The following BLM variants were observed in gnomAD, a reference collection of about 807,000 sequenced individuals.
BLM encodes the protein recQ-like DNA helicase BLM.
BLM carries 95 observed loss-of-function variants against 135.3 expected under a neutral mutation model. The observed-to-expected ratio is 0.70, with a 90% confidence interval of 0.59 to 0.83. BLM has a LOEUF of 0.83. Among genes scored for constraint, BLM ranks in the 40% least tolerant of loss-of-function variants. BLM has a pLI of 0.00. For synonymous variants in BLM, 520 were observed against 589.2 expected (o/e 0.88, Z 1.70); for missense variants, 1,518 against 1,663.9 (o/e 0.91, Z 1.53).
At chr15:90,797,221 C>T (rs1208986913) in intron 16 of BLM, among the ~76,000 whole-genome samples, 5 of 151,918 alleles carry the variant, frequency 3.3e-5, no homozygotes, top group Admixed American at 2.6e-4. Context: ...AAAGACTAGC[C>T]TGGCCAACGT....
chr15:90,722,301 G>A (rs1425978292), intron 1 of BLM, among the ~76,000 whole-genome samples: 1 of 151,988 alleles, frequency 6.6e-6, no homozygotes, highest in Admixed American at 6.6e-5. Flanking sequence ...AGTAGAGACC[G>A]GGTTTCACTG....
At position 90,751,797 on chromosome 15, in the gene BLM, AAAGAAG is replaced by A. The variant is rs587779895; in HGVS notation, c.816_821del (p.Lys272_Lys273del). 1 of 1,612,122 alleles carries A rather than the reference AAAGAAG, an allele frequency of 6.2e-7. No homozygotes were observed. The highest frequency in any genetic ancestry group is 8.5e-7 in the Non-Finnish European group (1 of 1,178,366). On this transcript the variant is annotated inframe_deletion, in exon 4 of 22. Transcript: ENST00000355112. ...ACTGTTTTACTGTAGATAATAGCGA[AAAGAAG>A]AAGAATTTGGAAGAAGCTGAATTAC... is the stretch of plus-strand genomic sequence containing the variant.
At chr15:90,764,707 A>G (rs1328040426) in intron 8 of BLM, among the ~76,000 whole-genome samples, 1 of 152,238 alleles carries the variant, frequency 6.6e-6, no homozygotes, top group Admixed American at 6.5e-5. Flanking sequence ...TTCTACTACT[A>G]GAAATAAAAA....
At position 90,802,818 on chromosome 15, in the gene BLM, C is replaced by G. The variant is rs150905798; in HGVS notation, c.3359-703C>G. On this transcript the variant is annotated intron_variant, in intron 17 of 21. Transcript: ENST00000355112. ...TATTATAAAATAATGTAAAGAGTGTCATTGGATTGTTTGCAACTCAATGGA... is the reference window on the plus strand; with the variant it reads ...TATTATAAAATAATGTAAAGAGTGTGATTGGATTGTTTGCAACTCAATGGA... Among the ~76,000 whole-genome samples, 126 of 152,104 alleles carry G rather than the reference C, an allele frequency of 8.3e-4. No individual in the cohort carries two copies. The Middle Eastern group carries it at 0.014, about 16-fold the overall frequency.
chr15:90,736,105 A>G (rs181294472), intron 1 of BLM, among the ~76,000 whole-genome samples: 12 of 152,340 alleles, frequency 7.9e-5, no homozygotes, highest in Admixed American at 7.8e-4. Flanking sequence ...CTAATTAGAA[A>G]GCTTCACAAG....
Position 90,794,275 on chromosome 15 carries a change from C to T in BLM, c.3128C>T (p.Ala1043Val), listed in dbSNP as rs2229035. The T allele has an allele frequency of 6.2e-7, 1 of 1,606,918 alleles. No homozygotes were observed. Among genetic ancestry groups the T allele is most frequent in the East Asian group, 2.3e-5 (1 of 44,410 alleles). ...GAATGCAGGAGAATACAGCTTTTGG[C>T]CTACTTTGGTGAAAATGGATTTAAT... ...ITECRRIQLL[A>V]YFGENGFNPD... The change falls in exon 16 of 22, where the codon GCC becomes GTC. Residue 1043 changes from alanine to valine, a missense_variant. Physicochemically the swap from Ala to Val is moderately conservative, Grantham distance 64. Transcript: ENST00000355112.
chr15:90,798,773 G>A (rs994589377), intron 17 of BLM, among the ~76,000 whole-genome samples: 1 of 151,860 alleles, frequency 6.6e-6, no homozygotes, highest in African/African-American at 2.4e-5. Flanking sequence ...CCTGAGATCA[G>A]GAGTTTGAGA....
chr15:90,756,756 A>T (rs963915364), intron 5 of BLM, among the ~76,000 whole-genome samples: 3 of 152,196 alleles, frequency 2.0e-5, no homozygotes, highest in African/African-American at 7.2e-5. Flanking sequence ...GACACAAAAG[A>T]CTTGACTATG....
Position 90,803,649 on chromosome 15 carries a change from G to A in BLM, c.3487G>A (p.Ala1163Thr). Residue 1163 changes from alanine to threonine, a missense_variant, in exon 18 of 22, where the codon GCC becomes ACC. By Grantham distance (58) the Ala-to-Thr change is moderately conservative. Transcript: ENST00000355112. ...KILDEDLYIN[A>T]NDQAIAYVML... ...TTTGGATGAAGACTTATATATCAAT[G>A]CCAATGACCAGGCGATCGCTTATGT... The A allele has an allele frequency of 6.2e-7, 1 of 1,614,130 alleles. No individual in the cohort carries two copies. The highest frequency in any genetic ancestry group is 8.5e-7 in the Non-Finnish European group (1 of 1,180,022).
intron 13 of BLM, 124 bp downstream of exon 13, chr15:90,783,052 T>C (rs749138172): frequency 2.3e-5 from 17 of 746,534 alleles, no homozygotes; most frequent in Non-Finnish European, 3.9e-5. Context: ...ACTTGCTCTT[T>C]ATAGAGCAGA....
rs554427614 is a variant in BLM at position 90,788,518 on chromosome 15, A to T, written c.2824-2131A>T. On this transcript the variant is annotated intron_variant, in intron 14 of 21. Coordinates refer to ENST00000355112, the MANE Select transcript of BLM (RefSeq NM_000057.4). ...TTGGTTTTTTGTTCTTTTCCCTTTG[A>T]TAAACTTTTTCTAAAGTTTGCCTGG... is the stretch of plus-strand genomic sequence containing the variant. Among the ~76,000 whole-genome samples the T allele has an allele frequency of 6.1e-3, 330 of 54,506 alleles. 1 individual carries two copies. The highest frequency in any genetic ancestry group is 0.018 in the African/African-American group (281 of 15,446). The allele number at this position is 54,506 out of a possible 152,430, so 35.8% of individuals were successfully genotyped here. A position where few individuals can be genotyped will look rare whatever the true frequency, so the allele number is the denominator to read the frequency against.
At chr15:90,771,873 A>ATATT (rs965805685) in intron 12 of BLM, among the ~76,000 whole-genome samples, 66 of 152,220 alleles carry the variant, frequency 4.3e-4, no homozygotes, top group African/African-American at 1.5e-3. Flanking sequence ...AACAGTGTAC[A>ATATT]TATTTATTTA....
intron 12 of BLM, among the ~76,000 whole-genome samples, chr15:90,775,555 G>A: frequency 6.6e-6 from 1 of 150,680 alleles, no homozygotes; most frequent in Non-Finnish European, 1.5e-5. Context: ...TTTCACTCTT[G>A]TCGCCCAGGC....
intron 15 of BLM, chr15:90,793,794 G>A (rs1896962535): frequency 6.3e-6 from 1 of 158,442 alleles, no homozygotes; most frequent in Non-Finnish European, 1.4e-5. Context: ...AACCACTGGT[G>A]TAACTACTTT....
rs28903082 is a variant in BLM, at chr15:90,749,883, G to A, written c.615G>A (p.Lys205=). ...KAQLYTTNTV[K]TDLPPPSSES... ...AGCTTTATACAACAAACACAGTAAA[G>A]ACTGATTTGCCTCCACCCTCCTCTG... Residue 205 remains lysine, a synonymous_variant, in exon 3 of 22, where the codon AAG becomes AAA. Transcript: ENST00000355112. The A allele has an allele frequency of 8.6e-4, 1,390 of 1,611,530 alleles. 9 individuals are homozygous for A. The African/African-American group carries it at 0.017, about 19-fold the overall frequency.
At position 90,784,992 on chromosome 15, in the gene BLM, G is replaced by A; in HGVS notation, c.2734G>A (p.Gly912Arg). 6.2e-7 allele frequency: 1 copy of A among 1,614,144 alleles called. No individual in the cohort carries two copies. The highest frequency in any genetic ancestry group is 8.5e-7 in the Non-Finnish European group (1 of 1,180,014). The change falls in exon 14 of 22, where the codon GGG becomes AGG. Residue 912 changes from glycine (G) to arginine (R), a missense_variant. Gly to Arg is a moderately radical substitution (Grantham distance 125). Transcript: ENST00000355112. ...CATGGCTGACACGTTACAGAGAGAT[G>A]GGCTCGCTGCTCTTGCTTACCATGC... ...DTMADTLQRD[G>R]LAALAYHAGL...
intron 21 of BLM, among the ~76,000 whole-genome samples, chr15:90,814,438 G>A (rs948373408): frequency 2.0e-5 from 3 of 152,214 alleles, no homozygotes; most frequent in African/African-American, 7.2e-5. Flanking sequence ...ATCGGCTCTG[G>A]CGGCTTCTTC....
At chr15:90,774,162 C>T (rs1326823170) in intron 12 of BLM, among the ~76,000 whole-genome samples, 1 of 150,602 alleles carries the variant, frequency 6.6e-6, no homozygotes. Flanking sequence ...ACAACCTCCA[C>T]CTCCTGGGTT....
At chr15:90,799,579 A>G (rs1897115215) in intron 17 of BLM, among the ~76,000 whole-genome samples, 1 of 150,282 alleles carries the variant, frequency 6.7e-6, no homozygotes, top group African/African-American at 2.4e-5. Context: ...TGGAAGAGAT[A>G]AAAGTTTTGG....
Sources: allele counts gnomAD v4.1 joint callset (sites outside exome capture counted in the v4.1 genomes callset), GRCh38; gene constraint gnomAD v4.1.1; transcripts MANE v1.5; gene names NCBI Gene and HGNC (gene_info 2026-07-23, HGNC 2026-07-21).